The following F9 variants were observed in gnomAD, a reference collection of about 807,000 sequenced individuals.
F9 encodes coagulation factor IX.
Under a neutral mutation model 34.1 loss-of-function variants are expected in F9, and 2 were observed. That is an observed-to-expected ratio of 0.06 (90% CI 0.02 to 0.18). The LOEUF is 0.18. Among genes scored for constraint, F9 ranks in the 10% least tolerant of loss-of-function variants. F9 has a pLI of 1.00. For synonymous variants in F9, 137 were observed against 118.8 expected (o/e 1.15, Z -1.00); for missense variants, 216 against 345.1 (o/e 0.63, Z 2.96).
intron 5 of F9, among the ~76,000 whole-genome samples, chrX:139,549,062 C>A (rs1927782830): frequency 9.0e-6 from 1 of 111,340 alleles, no homozygotes; most frequent in Admixed American, 9.6e-5. Flanking sequence ...TCATGCCAAC[C>A]ATGCCACCAT....
At chrX:139,554,743 A>G (rs190967592) in intron 6 of F9, among the ~76,000 whole-genome samples, 1 of 112,907 alleles carries the variant, frequency 8.9e-6, no homozygotes, top group African/African-American at 3.2e-5. Context: ...GCTTTGAAAT[A>G]TGAAATACTG....
In F9 at chrX:139,561,809, C is replaced by T. The variant is rs1928117932; in HGVS notation, c.1124C>T (p.Pro375Leu). 1.7e-6 allele frequency: 2 copies of T among 1,211,811 alleles called. No homozygotes were observed. The highest frequency in any genetic ancestry group is 1.1e-6 in the Non-Finnish European group (1 of 895,537). The change falls in exon 8 of 8, where the codon CCA (proline) becomes CTA (leucine). Residue 375 changes from proline to leucine, a missense_variant. By Grantham distance (98) the Pro-to-Leu change is moderately conservative (BLOSUM62 -3). Around this residue, in one of 2 missense-constraint regions of F9, gnomAD observed 177 missense variants for 311.8 expected, o/e 0.57. Transcript: ENST00000218099. The part of the protein sequence containing the change: ...SALVLQYLRV[P>L]LVDRATCLRS... ...TTAGTTCTTCAGTACCTTAGAGTTC[C>T]ACTTGTTGACCGAGCCACATGTCTT...
chrX:139,550,269 T>G (rs1167882960), intron 5 of F9, among the ~76,000 whole-genome samples: 1 of 112,476 alleles, frequency 8.9e-6, no homozygotes, highest in African/African-American at 3.2e-5. Context: ...TCCTGTTTTC[T>G]CAACCACTTG....
intron 1 of F9, among the ~76,000 whole-genome samples, chrX:139,535,148 C>T (rs1927427681): frequency 2.7e-5 from 3 of 111,093 alleles, no homozygotes; most frequent in African/African-American, 9.8e-5. Flanking sequence ...GTCAGGAGTT[C>T]GACACCAGCC....
At chrX:139,548,868 T>A (rs897650452) in intron 5 of F9, among the ~76,000 whole-genome samples, 10 of 112,064 alleles carry the variant, frequency 8.9e-5, no homozygotes, top group Non-Finnish European at 1.7e-4. Flanking sequence ...ATAAGGACGG[T>A]AAGTTTGAAG....
At chrX:139,543,796 C>T (rs972990806) in intron 4 of F9, among the ~76,000 whole-genome samples, 1 of 111,435 alleles carries the variant, frequency 9.0e-6, no homozygotes, top group African/African-American at 3.3e-5. Context: ...GCACTGAGAC[C>T]CCCTTCGGGA....
At chrX:139,539,973 A>G (rs978515500) in intron 3 of F9, among the ~76,000 whole-genome samples, 1 of 111,717 alleles carries the variant, frequency 9.0e-6, no homozygotes, top group African/African-American at 3.2e-5. Flanking sequence ...TTTGCTTTAA[A>G]ATACGACTGA....
At chrX:139,540,244 G>A (rs1254278247) in intron 3 of F9, among the ~76,000 whole-genome samples, 1 of 111,504 alleles carries the variant, frequency 9.0e-6, no homozygotes, top group African/African-American at 3.3e-5. Flanking sequence ...TTCTCATTCT[G>A]ACTTTTCTCC....
At chrX:139,536,871 A>G in intron 1 of F9, 139 bp from the exon 2 acceptor site, 1 of 537,809 alleles carries the variant, frequency 1.9e-6, no homozygotes, top group East Asian at 3.6e-5. Context: ...GGAACATCAC[A>G]GATTTTGGCT....
intron 6 of F9, among the ~76,000 whole-genome samples, chrX:139,557,908 C>T (rs1184209454): frequency 1.8e-5 from 2 of 112,148 alleles, no homozygotes; most frequent in South Asian, 7.4e-4. Flanking sequence ...GACTTGAATC[C>T]CTGCAGCCCC....
chrX:139,541,194 G>A lies in F9; in HGVS notation c.391+5G>A, dbSNP rs2148358021. ...AAGGAAAGAACTGTGAATTAGGTAA[G>A]TAACTATTTTTTGAATACTCATGGT... On this transcript the variant is annotated splice_donor_5th_base_variant and intron_variant, in intron 4 of 7. Coordinates refer to ENST00000218099, the MANE Select transcript of F9 (RefSeq NM_000133.4). 8.8e-7 allele frequency: 1 copy of A among 1,134,556 alleles called. No homozygotes were observed. Among genetic ancestry groups the A allele is most frequent in the Non-Finnish European group, 1.2e-6 (1 of 831,531 alleles). 93.5% of individuals were successfully genotyped at this position (1,134,556 alleles called of 1,213,427 possible). A position where few individuals can be genotyped will look rare whatever the true frequency, so the allele number is the denominator to read the frequency against.
intron 5 of F9, among the ~76,000 whole-genome samples, chrX:139,550,377 A>G (rs1312547016): frequency 8.9e-6 from 1 of 112,424 alleles, no homozygotes; most frequent in Non-Finnish European, 1.9e-5. Context: ...TGAAATGTGA[A>G]GTGACTTTGT....
chrX:139,557,169 T>C (rs976635302), intron 6 of F9, among the ~76,000 whole-genome samples: 1 of 111,731 alleles, frequency 9.0e-6, no homozygotes, highest in African/African-American at 3.3e-5. Context: ...TGACAGATTA[T>C]AACTCAGATG....
At chrX:139,550,745 A>G (rs770658298) in intron 5 of F9, among the ~76,000 whole-genome samples, 2 of 112,008 alleles carry the variant, frequency 1.8e-5, no homozygotes, top group Non-Finnish European at 3.8e-5. Context: ...ACTTTTTAGT[A>G]AAGAAACTAA....
intron 6 of F9, among the ~76,000 whole-genome samples, chrX:139,551,552 G>T (rs756750901): frequency 9.0e-6 from 1 of 111,447 alleles, no homozygotes; most frequent in South Asian, 3.8e-4. Context: ...AAGAAAGGTC[G>T]CAGGTACTCA....
At chrX:139,536,134 GATA>G in intron 1 of F9, among the ~76,000 whole-genome samples, 1 of 104,590 alleles carries the variant, frequency 9.6e-6, no homozygotes, top group Non-Finnish European at 1.9e-5. Flanking sequence ...ATATATATAT[GATA>G]TGATATATAT....
intron 6 of F9, among the ~76,000 whole-genome samples, chrX:139,557,745 C>A (rs779070424): frequency 4.4e-5 from 5 of 112,932 alleles, no homozygotes; most frequent in Admixed American, 2.8e-4. Context: ...TGCTGACAAT[C>A]AATTGGAGTT....
intron 6 of F9, among the ~76,000 whole-genome samples, chrX:139,551,495 A>G (rs1248836255): frequency 9.0e-6 from 1 of 111,516 alleles, no homozygotes; most frequent in African/African-American, 3.3e-5. Flanking sequence ...AGGAAACAGC[A>G]TAGCAGGATT....
chrX:139,544,230 T>C (rs1308371038), intron 4 of F9, among the ~76,000 whole-genome samples: 1 of 111,985 alleles, frequency 8.9e-6, no homozygotes, highest in Admixed American at 9.5e-5. Context: ...GACGGAACAC[T>C]TTCTACAGGT....
Sources: allele counts gnomAD v4.1 joint callset (sites outside exome capture counted in the v4.1 genomes callset), GRCh38; gene constraint gnomAD v4.1.1; regional missense constraint gnomAD v4.1.1; transcripts MANE v1.5; gene names NCBI Gene and HGNC (gene_info 2026-07-23, HGNC 2026-07-21).